The following ADAMTSL3 variants were observed in gnomAD, a reference collection of about 807,000 sequenced individuals.
The protein encoded by ADAMTSL3 is ADAMTS like 3.
ADAMTSL3 carries 128 observed loss-of-function variants against 201.7 expected under a neutral mutation model. That is an observed-to-expected ratio of 0.63 (90% CI 0.55 to 0.73). The LOEUF is 0.73. Among genes scored for constraint, ADAMTSL3 ranks in the 30% least tolerant of loss-of-function variants. The pLI is 0.00. For synonymous variants in ADAMTSL3, 738 were observed against 748.4 expected (o/e 0.99, Z 0.23); for missense variants, 1,990 against 2,119.6 (o/e 0.94, Z 1.20).
chr15:83,779,307 A>G (rs1442071777), intron 4 of ADAMTSL3, among the ~76,000 whole-genome samples: 1 of 152,210 alleles, frequency 6.6e-6, no homozygotes, highest in African/African-American at 2.4e-5. Flanking sequence ...ACAACAGAAT[A>G]TACATTCTTC....
chr15:83,684,562 A>G (rs1450960164), intron 2 of ADAMTSL3, among the ~76,000 whole-genome samples: 1 of 152,098 alleles, frequency 6.6e-6, no homozygotes, highest in Non-Finnish European at 1.5e-5. Flanking sequence ...GTAACATAGC[A>G]AGACCCCATC....
intron 23 of ADAMTSL3, among the ~76,000 whole-genome samples, chr15:83,991,531 C>T (rs2067583509): frequency 6.6e-6 from 1 of 152,030 alleles, no homozygotes; most frequent in African/African-American, 2.4e-5. Flanking sequence ...CAAAAGAGGC[C>T]AACTTTTAGT....
intron 4 of ADAMTSL3, among the ~76,000 whole-genome samples, chr15:83,784,350 C>A (rs886417373): frequency 6.6e-6 from 1 of 152,158 alleles, no homozygotes; most frequent in Non-Finnish European, 1.5e-5. Context: ...TGGATCTCTT[C>A]TTTACTTCAA....
intron 3 of ADAMTSL3, among the ~76,000 whole-genome samples, chr15:83,772,145 C>T (rs1032230046): frequency 1.3e-5 from 2 of 152,112 alleles, no homozygotes; most frequent in Non-Finnish European, 2.9e-5. Context: ...TGAGCCACCA[C>T]GCCCGGCCTC....
chr15:83,939,566 CT>C (rs1567250157), intron 17 of ADAMTSL3, among the ~76,000 whole-genome samples: 1 of 150,702 alleles, frequency 6.6e-6, no homozygotes, highest in African/African-American at 2.4e-5. Flanking sequence ...TGCCTTCTCT[CT>C]TTTTTCTCCA....
chr15:83,831,800 C>G (rs1405036191), intron 6 of ADAMTSL3, among the ~76,000 whole-genome samples: 1 of 152,170 alleles, frequency 6.6e-6, no homozygotes, highest in Non-Finnish European at 1.5e-5. Context: ...GGAGCCCAGA[C>G]TGGGAACAGC....
chr15:83,979,988 C>A (rs930454195), intron 20 of ADAMTSL3, among the ~76,000 whole-genome samples: 1 of 152,166 alleles, frequency 6.6e-6, no homozygotes, highest in African/African-American at 2.4e-5. Flanking sequence ...TGGCTGCACC[C>A]CGTAAGTCAG....
chr15:83,880,278 G>A (rs1475460540), intron 9 of ADAMTSL3, among the ~76,000 whole-genome samples: 1 of 152,030 alleles, frequency 6.6e-6, no homozygotes, highest in African/African-American at 2.4e-5. Flanking sequence ...TATCCAATTT[G>A]TCTAATTTCC....
chr15:83,704,358 T>C, intron 2 of ADAMTSL3, 31 bp from the exon 3 acceptor site: 1 of 1,614,078 alleles, frequency 6.2e-7, no homozygotes, highest in Non-Finnish European at 8.5e-7. Flanking sequence ...TACTGGAGCC[T>C]TATTTGTGAC....
At chr15:83,931,505 G>T (rs149213964) in intron 17 of ADAMTSL3, among the ~76,000 whole-genome samples, 226 of 152,304 alleles carry the variant, frequency 1.5e-3, no homozygotes, top group African/African-American at 5.4e-3. Context: ...ATTTAGCTAT[G>T]TAGTCCAATT....
chr15:83,773,078 C>A (rs1205628638), intron 3 of ADAMTSL3, among the ~76,000 whole-genome samples: 3 of 151,948 alleles, frequency 2.0e-5, no homozygotes, highest in African/African-American at 4.8e-5. Flanking sequence ...TTCATATAAA[C>A]CTGTCTTTTT....
intron 23 of ADAMTSL3, among the ~76,000 whole-genome samples, chr15:84,002,504 C>T (rs1461133790): frequency 6.6e-6 from 1 of 152,124 alleles, no homozygotes; most frequent in Non-Finnish European, 1.5e-5. Context: ...CCCAAAAGGC[C>T]CCATATATTG....
At position 83,669,703 on chromosome 15, in the gene ADAMTSL3, C is replaced by T. The variant is rs750659549; in HGVS notation, c.69+13873C>T. ...CAGGATGGTCTCAATCTCCTGACGT[C>T]GTGATCTGTCCGCCTCGGCCTCCCA... On this transcript the variant is annotated intron_variant, in intron 2 of 29. Coordinates refer to ENST00000286744, the MANE Select transcript of ADAMTSL3 (RefSeq NM_207517.3). 4.5e-4 allele frequency among the ~76,000 whole-genome samples: 67 copies of T among 149,348 alleles called. 1 individual carries two copies. The highest frequency in any genetic ancestry group is 7.5e-3 in the Middle Eastern group (2 of 268).
At position 83,894,981 on chromosome 15, in the gene ADAMTSL3, G is replaced by C. The variant is rs150767580; in HGVS notation, c.1467+2093G>C. ...GTCCATATATTCATCATCAGAATGA[G>C]CCATGTGTTCAGCAATGATTTTATT... On this transcript the variant is annotated intron_variant, in intron 13 of 29. Coordinates refer to ENST00000286744, the MANE Select transcript of ADAMTSL3 (RefSeq NM_207517.3). 3.6e-3 allele frequency among the ~76,000 whole-genome samples: 544 copies of C among 152,292 alleles called. 2 individuals carry two copies. Among genetic ancestry groups the C allele is most frequent in the African/African-American group, 0.013 (525 of 41,556 alleles).
At chr15:84,004,833 A>G (rs1043855335) in intron 23 of ADAMTSL3, among the ~76,000 whole-genome samples, 5 of 151,520 alleles carry the variant, frequency 3.3e-5, no homozygotes, top group African/African-American at 9.8e-5. Flanking sequence ...GGGAATAGCA[A>G]ATGATCTGCA....
chr15:83,886,441 A>G lies in ADAMTSL3; in HGVS notation c.1072+1229A>G, dbSNP rs77162160. Among the ~76,000 whole-genome samples the G allele has an allele frequency of 3.9e-3, 589 of 152,288 alleles. 3 individuals are homozygous for G. The highest frequency in any genetic ancestry group is 0.031 in the Middle Eastern group (9 of 294). On this transcript the variant is annotated intron_variant, in intron 10 of 29. Coordinates refer to ENST00000286744, the MANE Select transcript of ADAMTSL3 (RefSeq NM_207517.3). ...CTGTCTTATGCATGAACAAACTGAC[A>G]CTTAGAAAGTGTAAAGAGCATACAG...
At chr15:83,942,568 A>G (rs920126293) in intron 17 of ADAMTSL3, 28 bp from the exon 18 acceptor site, 1 of 1,600,672 alleles carries the variant, frequency 6.2e-7, no homozygotes, top group African/African-American at 1.3e-5. Flanking sequence ...TGGACTGTTC[A>G]ACTTTCCCCA....
At chr15:84,006,335 G>T (rs2141873660) in intron 23 of ADAMTSL3, among the ~76,000 whole-genome samples, 1 of 152,274 alleles carries the variant, frequency 6.6e-6, no homozygotes, top group South Asian at 2.1e-4. Flanking sequence ...TTCTGAGTGA[G>T]TTTTGAGTAG....
chr15:83,831,261 G>C (rs1334637619), intron 6 of ADAMTSL3, among the ~76,000 whole-genome samples: 4 of 152,128 alleles, frequency 2.6e-5, no homozygotes, highest in African/African-American at 9.7e-5. Context: ...CACATTCACA[G>C]GATCTGGGTG....
Sources: gnomAD v4.1 joint callset for allele counts (sites outside exome capture counted in the v4.1 genomes callset) on GRCh38, gnomAD v4.1.1 for gene constraint, MANE v1.5 for transcripts, NCBI Gene and HGNC (gene_info 2026-07-23, HGNC 2026-07-21) for gene names.